IAPP: variants seen among roughly 807,000 people sequenced by gnomAD.
The protein encoded by IAPP is Islet amyloid polypeptide (diabetes-associated peptide; amylin).
IAPP carries 4 observed loss-of-function variants against 2.9 expected under a neutral mutation model. The ratio of observed to expected loss-of-function variants is 1.39; its 90% CI spans 0.69 to 3.19. The LOEUF is 3.19. Among genes scored for constraint, IAPP ranks in the 30% most tolerant of loss-of-function variants. The pLI is 0.01. For missense variants in IAPP, 114 were observed against 105.3 expected, an observed-to-expected ratio of 1.08 and a Z score of -0.36; for synonymous variants, 40 against 42.1, an observed-to-expected ratio of 0.95 and a Z score of 0.19.
intron 1 of IAPP, among the ~76,000 whole-genome samples, chr12:21,358,520 T>C (rs1225927642): frequency 6.6e-6 from 1 of 152,168 alleles, no homozygotes; most frequent in Non-Finnish European, 1.5e-5. Flanking sequence ...ACAAAAAGTA[T>C]TATAATATTT....
At chr12:21,361,632 C>G (rs1269836107) in intron 1 of IAPP, among the ~76,000 whole-genome samples, 2 of 151,986 alleles carry the variant, frequency 1.3e-5, no homozygotes, top group Non-Finnish European at 2.9e-5. Context: ...CACAAAGAAG[C>G]TAAAAACCTT....
upstream of IAPP, among the ~76,000 whole-genome samples, chr12:21,371,876 C>G (rs956085114): frequency 1.9e-4 from 29 of 151,994 alleles, no homozygotes; most frequent in African/African-American, 6.8e-4. Flanking sequence ...GTGATGCATG[C>G]CTGTAATCCC....
At chr12:21,362,862 G>T (rs1591882690) in intron 1 of IAPP, among the ~76,000 whole-genome samples, 1 of 152,150 alleles carries the variant, frequency 6.6e-6, no homozygotes. Flanking sequence ...AAATATATAT[G>T]CATCCAATAC....
intron 1 of IAPP, among the ~76,000 whole-genome samples, chr12:21,364,075 C>G (rs538179589): frequency 6.6e-6 from 1 of 152,154 alleles, no homozygotes; most frequent in African/African-American, 2.4e-5. Context: ...GATACCAAAG[C>G]CTGGCAGAAA....
chr12:21,359,892 G>A (rs944659488), intron 1 of IAPP, among the ~76,000 whole-genome samples: 5 of 152,000 alleles, frequency 3.3e-5, no homozygotes, highest in African/African-American at 4.8e-5. Context: ...GAAACAACCC[G>A]AAGTCCATTA....
At chr12:21,373,589 T>C in intron 2 of IAPP, 158 bp downstream of exon 2, 1 of 705,566 alleles carries the variant, frequency 1.4e-6, no homozygotes, top group East Asian at 2.7e-5. Context: ...TTCTGTGTTC[T>C]TTAAAGAATA....
upstream of IAPP, among the ~76,000 whole-genome samples, chr12:21,369,383 C>T (rs1401151060): frequency 6.6e-6 from 1 of 152,152 alleles, no homozygotes; most frequent in Admixed American, 6.5e-5. Context: ...TAATAGATTT[C>T]CTGTTTTTAC....
At chr12:21,365,402 G>T (rs1361204031) in intron 1 of IAPP, among the ~76,000 whole-genome samples, 1 of 152,022 alleles carries the variant, frequency 6.6e-6, no homozygotes, top group African/African-American at 2.4e-5. Flanking sequence ...CAGTTCAAGT[G>T]GGATTAAAGA....
chr12:21,362,063 C>T (rs35145133), intron 1 of IAPP, among the ~76,000 whole-genome samples: 14,281 of 151,960 alleles, frequency 0.094, 1,057 homozygotes, highest in East Asian at 0.4. Flanking sequence ...AGATACTCCT[C>T]GAGAAGAGAA....
At position 21,375,018 on chromosome 12, in the gene IAPP, A is replaced by G. The variant is rs140864745; in HGVS notation, c.80+1587A>G. On this transcript the variant is annotated intron_variant, in intron 2 of 2. Transcript: ENST00000240652. The stretch of plus-strand genomic sequence containing the variant: ...TATTTTATAGGGAAAGGGTCTCCCT[A>G]TGATGCCCAGGCTGGTGTCAAACTC... 3.4e-4 allele frequency among the ~76,000 whole-genome samples: 51 copies of G among 152,100 alleles called. 1 individual carries two copies. Among genetic ancestry groups the G allele is most frequent in the African/African-American group, 1.2e-3 (50 of 41,486 alleles).
chr12:21,355,955 G>A (rs1204363390), intron 1 of IAPP, among the ~76,000 whole-genome samples: 1 of 152,026 alleles, frequency 6.6e-6, no homozygotes, highest in African/African-American at 2.4e-5. Context: ...TATTGAATGA[G>A]TAACAGCATA....
At chr12:21,365,456 C>G (rs950609484) in intron 1 of IAPP, among the ~76,000 whole-genome samples, 34 of 152,242 alleles carry the variant, frequency 2.2e-4, no homozygotes, top group Admixed American at 2.1e-3. Context: ...AGAAGAAAAC[C>G]TAGGCCATAC....
At chr12:21,371,683 C>T (rs1156470910), upstream of IAPP, among the ~76,000 whole-genome samples, 1 of 152,012 alleles carries the variant, frequency 6.6e-6, no homozygotes. Flanking sequence ...CTATTAATAA[C>T]TAAGATACCA....
intron 1 of IAPP, among the ~76,000 whole-genome samples, chr12:21,363,035 C>A (rs530438806): frequency 1.3e-5 from 2 of 152,270 alleles, no homozygotes; most frequent in South Asian, 4.1e-4. Context: ...CAGCTCTGCA[C>A]CAAGCGGACC....
At chr12:21,360,620 G>C (rs1205170353) in intron 1 of IAPP, among the ~76,000 whole-genome samples, 2 of 152,166 alleles carry the variant, frequency 1.3e-5, no homozygotes, top group Admixed American at 6.5e-5. Context: ...AAGGGGTGGG[G>C]GAATTCCCTT....
intron 1 of IAPP, among the ~76,000 whole-genome samples, chr12:21,363,561 T>C (rs968962734): frequency 6.6e-6 from 1 of 151,682 alleles, no homozygotes; most frequent in East Asian, 1.9e-4. Flanking sequence ...AGAACTGAAG[T>C]AGATAGAGAC....
chr12:21,378,649 T>C lies in IAPP; in HGVS notation c.*223T>C, dbSNP rs1000234453. On this transcript the variant is annotated 3_prime_UTR_variant, in exon 3 of 3. Coordinates refer to ENST00000240652, the MANE Select transcript of IAPP (RefSeq NM_000415.3). ...ATGAAATGTTTTTGCTATAGATTTG[T>C]ATTTTAAAACATAAGAACGTCATTT... The C allele has an allele frequency of 8.3e-6, 4 of 483,168 alleles. No individual in the cohort carries two copies. The highest frequency in any genetic ancestry group is 6.4e-5 in the East Asian group (2 of 31,098). The allele number at this position is 483,168 out of a possible 1,614,324, so 29.9% of individuals were successfully genotyped here.
chr12:21,357,084 A>G (rs1329368047), intron 1 of IAPP, among the ~76,000 whole-genome samples: 1 of 152,164 alleles, frequency 6.6e-6, no homozygotes, highest in Non-Finnish European at 1.5e-5. Context: ...ACAAACAAAC[A>G]CTATAGAATG....
chr12:21,368,999 C>G (rs1179197371), upstream of IAPP, among the ~76,000 whole-genome samples: 1 of 151,854 alleles, frequency 6.6e-6, no homozygotes, highest in East Asian at 1.9e-4. Flanking sequence ...TGTAGAAACA[C>G]CTAAAATAGT....
Sources: allele counts gnomAD v4.1 joint callset (sites outside exome capture counted in the v4.1 genomes callset), GRCh38; gene constraint gnomAD v4.1.1; transcripts MANE v1.5; gene names NCBI Gene and HGNC (gene_info 2026-07-23, HGNC 2026-07-21).